Variants in TMCC1 observed in about 807,000 individuals in gnomAD.
The protein encoded by TMCC1 is transmembrane and coiled-coil domain family 1, also known as transmembrane and coiled-coil domains protein 1.
TMCC1 carries 15 observed loss-of-function variants against 52.4 expected under a neutral mutation model. That is an observed-to-expected ratio of 0.29 (90% CI 0.19 to 0.44). The LOEUF (loss-of-function observed/expected upper bound fraction) is 0.44, where lower values mean the gene tolerates loss of function less well. Ranked by LOEUF, TMCC1 falls within the 20% of genes least tolerant of loss-of-function variation. The probability of loss-of-function intolerance (pLI) is 1.00; values close to 1 mark genes in which losing one functional copy is unlikely to be tolerated. For synonymous variants in TMCC1, 279 were observed against 301.9 expected (o/e 0.92, Z 0.79); for missense variants, 503 against 806.0 (o/e 0.62, Z 4.55).
intron 2 of TMCC1, among the ~76,000 whole-genome samples, chr3:129,859,082 A>C (rs1408161361): frequency 6.6e-6 from 1 of 152,162 alleles, no homozygotes; most frequent in African/African-American, 2.4e-5. Flanking sequence ...ATAGCTAAAA[A>C]TTTTCAAGAT....
chr3:129,654,985 G>T lies in TMCC1; in HGVS notation c.1630C>A (p.Arg544=), dbSNP rs758668830. Residue 544 remains arginine (R), a synonymous_variant, in exon 6 of 7, where the codon CGG becomes AGG. Transcript: ENST00000393238. ...EEKIAYQSYE[R]ARDIQEALEA... ...ATACTAACCTGGATGTCCCGGGCCC[G>T]TTCATAGGACTGATACGCGATTTTT... 1.9e-6 allele frequency: 3 copies of T among 1,613,636 alleles called. No individual in the cohort carries two copies. In the African/African-American group the frequency reaches 4.0e-5, roughly 22 times the overall value.
chr3:129,755,156 G>A (rs2052888832), intron 4 of TMCC1, among the ~76,000 whole-genome samples: 1 of 152,036 alleles, frequency 6.6e-6, no homozygotes, highest in Non-Finnish European at 1.5e-5. Flanking sequence ...AGAAAAAAAT[G>A]ACAGAAAGAT....
intron 4 of TMCC1, among the ~76,000 whole-genome samples, chr3:129,787,639 A>G (rs4234700): frequency 0.24 from 36,530 of 152,130 alleles, 6,918 homozygotes; most frequent in East Asian, 0.57. Flanking sequence ...ATTTGGCATA[A>G]TGAGTAAAAT....
chr3:129,742,347 AATAT>A (rs2051537360), intron 4 of TMCC1, among the ~76,000 whole-genome samples: 1 of 152,184 alleles, frequency 6.6e-6, no homozygotes, highest in South Asian at 2.1e-4. Flanking sequence ...TTGTACACAG[AATAT>A]ATAAAAAATT....
chr3:129,713,505 A>G (rs1299083124), intron 4 of TMCC1, among the ~76,000 whole-genome samples: 1 of 152,172 alleles, frequency 6.6e-6, no homozygotes, highest in East Asian at 1.9e-4. Flanking sequence ...ATATGTAATA[A>G]AAGTTGTCTT....
chr3:129,851,377 T>C (rs1248229220), intron 2 of TMCC1, among the ~76,000 whole-genome samples: 1 of 152,012 alleles, frequency 6.6e-6, no homozygotes, highest in Non-Finnish European at 1.5e-5. Context: ...TCCAGCAAGA[T>C]AAAAAGACAA....
Position 129,789,946 on chromosome 3 carries a change from G to A in TMCC1, c.576+37857C>T, listed in dbSNP as rs74688730. Among the ~76,000 whole-genome samples, 170 of 148,598 alleles carry A rather than the reference G, an allele frequency of 1.1e-3. 3 individuals carry two copies. Among genetic ancestry groups the A allele is most frequent in the East Asian group, 0.011 (57 of 5,188 alleles). On this transcript the variant is annotated intron_variant, in intron 4 of 6. Transcript: ENST00000393238. ...AAAATCAACAGAACTAGGAAAAGAT[G>A]CCACAAACTTATTTCTCAGCCATTA...
chr3:129,767,195 A>AG (rs564033546), intron 4 of TMCC1, among the ~76,000 whole-genome samples: 341 of 151,306 alleles, frequency 2.3e-3, no homozygotes, highest in African/African-American at 7.9e-3. Flanking sequence ...CGGGAGGCAC[A>AG]GGTTGCACTG....
rs187422393 is a variant in TMCC1 at position 129,654,525 on chromosome 3, T to C, written c.1647+443A>G. On this transcript the variant is annotated intron_variant, in intron 6 of 6. Transcript: ENST00000393238. ...CTCACAGAATAAAATAGATGGGCTA[T>C]TAGCCTTAATTAAACATTACTGCCT... Among the ~76,000 whole-genome samples the C allele has an allele frequency of 1.1e-3, 172 of 152,348 alleles. 8 individuals carry two copies. The East Asian group carries it at 0.032, about 28-fold the overall frequency.
chr3:129,731,304 G>C (rs61345137), intron 4 of TMCC1, among the ~76,000 whole-genome samples: 2 of 152,166 alleles, frequency 1.3e-5, no homozygotes, highest in Non-Finnish European at 2.9e-5. Context: ...TAGGCTGGAC[G>C]CGGTGGCTCA....
rs963516182 is a variant in TMCC1 at position 129,778,907 on chromosome 3, G to A, written c.576+48896C>T. 5.9e-5 allele frequency among the ~76,000 whole-genome samples: 9 copies of A among 152,026 alleles called. No individual in the cohort carries two copies. In the South Asian group the frequency reaches 6.2e-4, roughly 11 times the overall value. ...TTTCCTTTATAAATTATCCAGTCTC[G>A]GGCAGTTCTTTATAGTAGCATGAGA... On this transcript the variant is annotated intron_variant, in intron 4 of 6. Coordinates refer to ENST00000393238, the MANE Select transcript of TMCC1 (RefSeq NM_001017395.5).
intron 4 of TMCC1, among the ~76,000 whole-genome samples, chr3:129,779,182 G>A (rs1403691029): frequency 6.6e-6 from 1 of 152,088 alleles, no homozygotes; most frequent in Non-Finnish European, 1.5e-5. Flanking sequence ...TGAATTGGTA[G>A]CAGAAATTAA....
chr3:129,791,019 G>A (rs2056416439), intron 4 of TMCC1, among the ~76,000 whole-genome samples: 1 of 150,472 alleles, frequency 6.6e-6, no homozygotes, highest in African/African-American at 2.5e-5. Context: ...TTTATTTATT[G>A]TTTTCTATCG....
intron 3 of TMCC1, among the ~76,000 whole-genome samples, chr3:129,831,442 T>C (rs990796503): frequency 2.6e-5 from 4 of 152,188 alleles, no homozygotes; most frequent in Admixed American, 1.3e-4. Flanking sequence ...TCACTTAGCA[T>C]GCAGCCCTAA....
intron 4 of TMCC1, among the ~76,000 whole-genome samples, chr3:129,784,350 G>A (rs987259511): frequency 9.3e-5 from 14 of 149,830 alleles, no homozygotes; most frequent in East Asian, 6.1e-4. Context: ...AGGCCAAGGC[G>A]GGCGGATCAC....
intron 4 of TMCC1, among the ~76,000 whole-genome samples, chr3:129,700,784 A>G (rs1262553358): frequency 1.3e-5 from 2 of 152,282 alleles, no homozygotes; most frequent in East Asian, 3.9e-4. Flanking sequence ...CAAAAAAAAA[A>G]AAAAATCTCT....
At chr3:129,859,559 C>G (rs1263451520) in intron 2 of TMCC1, among the ~76,000 whole-genome samples, 3 of 151,862 alleles carry the variant, frequency 2.0e-5, no homozygotes, top group Non-Finnish European at 4.4e-5. Context: ...ATTGCTTGAG[C>G]CTGGCAAGCC....
intron 1 of TMCC1, among the ~76,000 whole-genome samples, chr3:129,885,900 G>A (rs79958556): frequency 2.6e-5 from 4 of 151,660 alleles, no homozygotes; most frequent in Admixed American, 6.6e-5. Context: ...CCACGACCAC[G>A]CCCAGCTAAT....
At chr3:129,660,093 A>G (rs1480027094) in intron 5 of TMCC1, among the ~76,000 whole-genome samples, 1 of 152,190 alleles carries the variant, frequency 6.6e-6, no homozygotes, top group Non-Finnish European at 1.5e-5. Flanking sequence ...TGACTGCCAC[A>G]TAGTCTTACT....
Sources: allele counts gnomAD v4.1 joint callset (sites outside exome capture counted in the v4.1 genomes callset), GRCh38; gene constraint gnomAD v4.1.1; transcripts MANE v1.5; gene names NCBI Gene and HGNC (gene_info 2026-07-23, HGNC 2026-07-21).